CLSTN2: variants seen among roughly 807,000 people sequenced by gnomAD.
CLSTN2 encodes the protein calsyntenin 2.
A neutral mutation model predicts 101.2 loss-of-function variants in CLSTN2; 48 were observed. The ratio of observed to expected loss-of-function variants is 0.47; its 90% confidence interval spans 0.38 to 0.60. CLSTN2 has a LOEUF of 0.60. Among genes scored for constraint, CLSTN2 ranks in the 20% least tolerant of loss-of-function variants. The pLI is 0.00. For synonymous variants in CLSTN2, 481 were observed against 463.6 expected, an observed-to-expected ratio of 1.04 and a Z score of -0.48; for missense variants, 1,160 against 1,238.2, an observed-to-expected ratio of 0.94 and a Z score of 0.95.
intron 2 of CLSTN2, among the ~76,000 whole-genome samples, chr3:140,235,314 C>T (rs187938553): frequency 1.3e-5 from 2 of 152,212 alleles, no homozygotes; most frequent in Admixed American, 6.5e-5. Flanking sequence ...TAACAGTTCA[C>T]GCCACCCTTA....
intron 2 of CLSTN2, among the ~76,000 whole-genome samples, chr3:140,193,261 G>GTTTTTTTT (rs367933711): frequency 2.5e-4 from 22 of 87,400 alleles, no homozygotes; most frequent in East Asian, 7.3e-4. Flanking sequence ...CTTTTTTATA[G>GTTTTTTTT]TTTTTTTTTT....
At chr3:139,981,792 A>G (rs1935927551) in intron 1 of CLSTN2, among the ~76,000 whole-genome samples, 1 of 152,220 alleles carries the variant, frequency 6.6e-6, no homozygotes, top group Non-Finnish European at 1.5e-5. Flanking sequence ...GGCCACCCCA[A>G]TGCCCTGAGA....
intron 2 of CLSTN2, among the ~76,000 whole-genome samples, chr3:140,212,759 C>G (rs1322587832): frequency 6.6e-6 from 1 of 152,164 alleles, no homozygotes; most frequent in East Asian, 1.9e-4. Flanking sequence ...TAGATCTTGC[C>G]ACATATTGTC....
rs144935845 is a variant in CLSTN2 at position 140,463,407 on chromosome 3, G to A, written c.1223-3203G>A. On this transcript the variant is annotated intron_variant, in intron 7 of 16. Coordinates refer to ENST00000458420, the MANE Select transcript of CLSTN2 (RefSeq NM_022131.3). ...GATGTCAGCCTGGTAGAGAGTGCTAGGATGGTCCCCCTGCCTGCTAGGAAA... is the reference window on the plus strand; with the variant it reads ...GATGTCAGCCTGGTAGAGAGTGCTAAGATGGTCCCCCTGCCTGCTAGGAAA... Among the ~76,000 whole-genome samples the A allele has an allele frequency of 3.4e-3, 516 of 152,276 alleles. 4 individuals carry two copies. The highest frequency in any genetic ancestry group is 0.011 in the African/African-American group (444 of 41,552).
chr3:139,999,630 A>G (rs1458310046), intron 1 of CLSTN2, among the ~76,000 whole-genome samples: 1 of 152,184 alleles, frequency 6.6e-6, no homozygotes, highest in Non-Finnish European at 1.5e-5. Flanking sequence ...AATTAAAATA[A>G]TGTTTCTGCT....
chr3:140,512,433 G>A (rs1264114148), intron 8 of CLSTN2, among the ~76,000 whole-genome samples: 1 of 152,176 alleles, frequency 6.6e-6, no homozygotes, highest in African/African-American at 2.4e-5. Context: ...TTGTAGGTGT[G>A]TGGTCTTATT....
chr3:140,524,341 G>A (rs1249103457), intron 8 of CLSTN2, among the ~76,000 whole-genome samples: 1 of 152,232 alleles, frequency 6.6e-6, no homozygotes, highest in East Asian at 1.9e-4. Context: ...ATTTGGAAGT[G>A]AGCATGTGAA....
chr3:140,443,123 G>A (rs1238016306), intron 5 of CLSTN2, among the ~76,000 whole-genome samples: 3 of 152,204 alleles, frequency 2.0e-5, no homozygotes, highest in Admixed American at 2.0e-4. Context: ...CCAATATCCA[G>A]CCACTCACTT....
At chr3:140,553,986 A>G (rs1156431432) in intron 10 of CLSTN2, among the ~76,000 whole-genome samples, 1 of 146,918 alleles carries the variant, frequency 6.8e-6, no homozygotes, top group African/African-American at 2.7e-5. Context: ...GAGAGCCTTC[A>G]CTCATTTGTC....
chr3:140,221,460 T>C (rs534850084), intron 2 of CLSTN2, among the ~76,000 whole-genome samples: 7 of 152,000 alleles, frequency 4.6e-5, no homozygotes, highest in Non-Finnish European at 8.8e-5. Context: ...CTACAATGAC[T>C]TTGGATAATG....
rs1257786334 is a variant in CLSTN2, at chr3:140,427,196, T to C, written c.787+5922T>C. 6.1e-5 allele frequency among the ~76,000 whole-genome samples: 5 copies of C among 82,064 alleles called. No homozygotes were observed. The East Asian group carries it at 3.3e-3, about 54-fold the overall frequency. 53.8% of individuals were successfully genotyped at this position (82,064 alleles called of 152,430 possible). ...CTCAAAAAAAAAAAATATATATATA[T>C]ATATATATGTGTATATATATATATA... On this transcript the variant is annotated intron_variant, in intron 5 of 16. Coordinates refer to ENST00000458420, the MANE Select transcript of CLSTN2 (RefSeq NM_022131.3).
chr3:139,984,377 T>C (rs986717229), intron 1 of CLSTN2, among the ~76,000 whole-genome samples: 1 of 152,182 alleles, frequency 6.6e-6, no homozygotes, highest in East Asian at 1.9e-4. Flanking sequence ...ATCTAGTCAC[T>C]CTCTCTGCTC....
intron 1 of CLSTN2, among the ~76,000 whole-genome samples, chr3:140,024,134 T>C (rs943923261): frequency 1.3e-5 from 2 of 152,176 alleles, no homozygotes; most frequent in African/African-American, 4.8e-5. Flanking sequence ...ACCAACTTTG[T>C]AGAATGGTGA....
chr3:140,519,601 T>C (rs1161494470), intron 8 of CLSTN2, among the ~76,000 whole-genome samples: 1 of 151,998 alleles, frequency 6.6e-6, no homozygotes, highest in East Asian at 1.9e-4. Context: ...TTGTCTTTTT[T>C]TTTCTTTATT....
At chr3:140,294,895 G>A (rs2086988571) in intron 2 of CLSTN2, among the ~76,000 whole-genome samples, 1 of 152,136 alleles carries the variant, frequency 6.6e-6, no homozygotes, top group Non-Finnish European at 1.5e-5. Flanking sequence ...ATGGGGAGAA[G>A]GGGGTGGTAG....
intron 8 of CLSTN2, among the ~76,000 whole-genome samples, chr3:140,500,524 T>G (rs1460293387): frequency 1.3e-5 from 2 of 151,946 alleles, no homozygotes; most frequent in Non-Finnish European, 2.9e-5. Flanking sequence ...ATCAGAGGAG[T>G]GTTGGACCTG....
At chr3:140,188,752 G>GT (rs1185149477) in intron 2 of CLSTN2, among the ~76,000 whole-genome samples, 4 of 152,162 alleles carry the variant, frequency 2.6e-5, no homozygotes, top group Admixed American at 2.6e-4. Flanking sequence ...ATATGCAGTT[G>GT]TAAGACATCA....
rs1935953792 is a variant in CLSTN2 at position 140,563,210 on chromosome 3, T to C, written c.2482+7T>C. ...AGCATCCAGCACAGTTCAGGTAGGG[T>C]GCCCAAGAGGAGGGACCCTCAGGAC... On this transcript the variant is annotated splice_region_variant and intron_variant, in intron 15 of 16. Coordinates refer to ENST00000458420, the MANE Select transcript of CLSTN2 (RefSeq NM_022131.3). 3 of 1,612,678 alleles carry C rather than the reference T, an allele frequency of 1.9e-6. No homozygotes were observed. Among genetic ancestry groups the C allele is most frequent in the Non-Finnish European group, 2.5e-6 (3 of 1,179,418 alleles).
In CLSTN2 at chr3:140,570,697, C is replaced by T. The variant is rs1444514144; in HGVS notation, c.*4444C>T. 6.6e-6 allele frequency: 1 copy of T among 151,938 alleles called. No homozygotes were observed. Among genetic ancestry groups the T allele is most frequent in the African/African-American group, 2.4e-5 (1 of 41,344 alleles). The allele number at this position is 151,938 out of a possible 1,614,324, so 9.4% of individuals were successfully genotyped here. A position where few individuals can be genotyped will look rare whatever the true frequency, so the allele number is the denominator to read the frequency against. On this transcript the variant is annotated 3_prime_UTR_variant, in exon 17 of 17. Coordinates refer to ENST00000458420, the MANE Select transcript of CLSTN2 (RefSeq NM_022131.3). ...ATGTAATTTTCATATCTTTTTTTAC[C>T]CTTTTGATTTACATTTTTAATAATT... is the stretch of plus-strand genomic sequence containing the variant.
Sources: gnomAD v4.1 joint callset for allele counts (sites outside exome capture counted in the v4.1 genomes callset) on GRCh38, gnomAD v4.1.1 for gene constraint, MANE v1.5 for transcripts, NCBI Gene and HGNC (gene_info 2026-07-23, HGNC 2026-07-21) for gene names.